Variants in APBB2 observed in about 807,000 individuals in gnomAD.
APBB2 encodes Fe65-like 1.
APBB2 carries 38 observed loss-of-function variants against 82.5 expected under a neutral mutation model. The observed-to-expected ratio is 0.46, with a 90% CI of 0.36 to 0.60. The LOEUF (loss-of-function observed/expected upper bound fraction) is 0.60. APBB2 is among the 20% of genes least tolerant of loss of function. The pLI is 0.00. For missense variants in APBB2, 772 were observed against 972.3 expected, an observed-to-expected ratio of 0.79 and a Z score of 2.74; for synonymous variants, 341 against 368.2, an observed-to-expected ratio of 0.93 and a Z score of 0.85.
chr4:41,065,393 C>A (rs546018013), intron 4 of APBB2, among the ~76,000 whole-genome samples, 183 bp downstream of exon 4: 1 of 152,276 alleles, frequency 6.6e-6, no homozygotes, highest in South Asian at 2.1e-4. Flanking sequence ...TACAAAAATC[C>A]TAATTTAGAT....
intron 10 of APBB2, among the ~76,000 whole-genome samples, chr4:40,921,908 GGA>G (rs1361902724): frequency 2.6e-5 from 4 of 152,178 alleles, no homozygotes; most frequent in African/African-American, 9.7e-5. Flanking sequence ...GGACCCTGGT[GGA>G]GACCTTTCTG....
chr4:40,862,073 C>T (rs1022265010), intron 12 of APBB2, among the ~76,000 whole-genome samples: 2 of 152,170 alleles, frequency 1.3e-5, no homozygotes, highest in Middle Eastern at 3.2e-3. Flanking sequence ...TATGATGTCC[C>T]CAAGTAGCAT....
chr4:41,124,669 C>T (rs999933393), intron 2 of APBB2, among the ~76,000 whole-genome samples: 2 of 152,168 alleles, frequency 1.3e-5, no homozygotes, highest in African/African-American at 4.8e-5. Flanking sequence ...ATACATTCTA[C>T]CCCATGAATC....
At chr4:41,205,067 A>G (rs749396416) in intron 1 of APBB2, among the ~76,000 whole-genome samples, 2 of 152,224 alleles carry the variant, frequency 1.3e-5, no homozygotes, top group African/African-American at 2.4e-5. Context: ...TCATTGGGAT[A>G]ACAAGTTTAC....
chr4:41,147,481 C>CT (rs558746840), intron 1 of APBB2, among the ~76,000 whole-genome samples: 4,473 of 103,020 alleles, frequency 0.043, 351 homozygotes, highest in African/African-American at 0.13. Flanking sequence ...GTTTGGCCAG[C>CT]TTTTTTTTTT....
chr4:41,208,849 T>C (rs563531143), intron 1 of APBB2, among the ~76,000 whole-genome samples: 7 of 152,230 alleles, frequency 4.6e-5, no homozygotes, highest in Non-Finnish European at 8.8e-5. Context: ...TGTGAATCTG[T>C]ACATTTTATA....
Position 41,059,554 on chromosome 4 carries a change from C to CG in APBB2, c.-51+6021dup, listed in dbSNP as rs1221495864. Among the ~76,000 whole-genome samples the CG allele has an allele frequency of 2.6e-5, 4 of 152,296 alleles. No homozygotes were observed. The South Asian group carries it at 8.3e-4, about 32-fold the overall frequency. Reference sequence around the variant, plus strand: ...CAAGGAACACCTGGCCCGCCCAGGGCGGAAAACCGCTTAAAGGCGTTCTTA... The same window carrying CG: ...CAAGGAACACCTGGCCCGCCCAGGGCGGGAAAACCGCTTAAAGGCGTTCTTA... On this transcript the variant is annotated intron_variant, in intron 4 of 17. Transcript: ENST00000508593.
chr4:40,940,740 T>C (rs7434649), intron 7 of APBB2, among the ~76,000 whole-genome samples: 2,879 of 152,264 alleles, frequency 0.019, 83 homozygotes, highest in African/African-American at 0.065. Flanking sequence ...AGACCCGCCT[T>C]CTCCATACTT....
chr4:41,044,455 C>G (rs1722649540), intron 4 of APBB2, among the ~76,000 whole-genome samples: 1 of 152,180 alleles, frequency 6.6e-6, no homozygotes, highest in South Asian at 2.1e-4. Context: ...TGAGATGTCC[C>G]AAGCTCATCT....
At chr4:40,838,942 G>GAGA (rs1423668891) in intron 12 of APBB2, among the ~76,000 whole-genome samples, 2 of 152,062 alleles carry the variant, frequency 1.3e-5, no homozygotes, top group African/African-American at 4.8e-5. Flanking sequence ...CCCTTTCACA[G>GAGA]CAGCACCAGC....
chr4:40,861,217 G>C (rs1246089777), intron 12 of APBB2, among the ~76,000 whole-genome samples: 5 of 152,144 alleles, frequency 3.3e-5, no homozygotes, highest in Admixed American at 3.3e-4. Context: ...GGGCGTGGTG[G>C]CACGTGCCTG....
At chr4:40,923,508 G>A (rs1034928226) in intron 10 of APBB2, among the ~76,000 whole-genome samples, 1 of 152,172 alleles carries the variant, frequency 6.6e-6, no homozygotes, top group Non-Finnish European at 1.5e-5. Context: ...GGCTACTCCT[G>A]CCCGAGGCTG....
In APBB2 at chr4:41,120,244, T is replaced by C. The variant is rs545329341; in HGVS notation, c.-260-19494A>G. On this transcript the variant is annotated intron_variant, in intron 2 of 17. Coordinates refer to ENST00000508593, the MANE Select transcript of APBB2 (RefSeq NM_004307.2). ...TCTTGTCATCCATGGAGGTTCTCTCTTTCTCTGCAGGCCACCTATCTGTTC... is the reference window on the plus strand; with the variant it reads ...TCTTGTCATCCATGGAGGTTCTCTCCTTCTCTGCAGGCCACCTATCTGTTC... Among the ~76,000 whole-genome samples, 11 of 152,304 alleles carry C rather than the reference T, an allele frequency of 7.2e-5. No individual in the cohort carries two copies. The South Asian group carries it at 2.3e-3, about 32-fold the overall frequency.
rs925823149 is a variant in APBB2 at position 41,115,707 on chromosome 4, T to G, written c.-260-14957A>C. ...AACATTTATGCAGCCAACAAACATA[T>G]GAAAAAATGCTCATCATCACTGGTC... On this transcript the variant is annotated intron_variant, in intron 2 of 17. Transcript: ENST00000508593. 2.6e-5 allele frequency among the ~76,000 whole-genome samples: 4 copies of G among 152,176 alleles called. 1 individual carries two copies. The highest frequency in any genetic ancestry group is 3.9e-4 in the East Asian group (2 of 5,186).
At chr4:40,857,232 C>G in intron 12 of APBB2, 1 of 948,890 alleles carries the variant, frequency 1.1e-6, no homozygotes, top group Non-Finnish European at 1.3e-6. Context: ...GCTGGGGAGG[C>G]GCGTGGCCCC....
intron 4 of APBB2, among the ~76,000 whole-genome samples, chr4:41,060,096 C>T (rs558036946): frequency 6.6e-6 from 1 of 152,264 alleles, no homozygotes; most frequent in South Asian, 2.1e-4. Flanking sequence ...CCTAGTTGTA[C>T]AGGACTCCCA....
At chr4:40,872,246 A>G (rs1765712550) in intron 12 of APBB2, among the ~76,000 whole-genome samples, 2 of 152,266 alleles carry the variant, frequency 1.3e-5, no homozygotes, top group Non-Finnish European at 2.9e-5. Flanking sequence ...CCGTGTCTTC[A>G]GCCAACCCAC....
chr4:40,902,256 C>T (rs1775511601), intron 10 of APBB2, among the ~76,000 whole-genome samples: 1 of 152,278 alleles, frequency 6.6e-6, no homozygotes, highest in African/African-American at 2.4e-5. Context: ...GAGTGCTCAC[C>T]GTCAAGACAT....
At chr4:40,967,669 G>A (rs148412561) in intron 6 of APBB2, among the ~76,000 whole-genome samples, 11 of 152,290 alleles carry the variant, frequency 7.2e-5, no homozygotes, top group East Asian at 3.9e-4. Flanking sequence ...CTTGCCACTC[G>A]TGTCTGGCTC....
Sources: allele counts gnomAD v4.1 joint callset (sites outside exome capture counted in the v4.1 genomes callset), GRCh38; gene constraint gnomAD v4.1.1; transcripts MANE v1.5; gene names NCBI Gene and HGNC (gene_info 2026-07-23, HGNC 2026-07-21).